Variants in SEMA3E observed in about 807,000 individuals in gnomAD.
SEMA3E encodes semaphorin 3E.
A neutral mutation model predicts 93.6 loss-of-function variants in SEMA3E; 49 were observed. That is an observed-to-expected ratio of 0.52 (90% CI 0.42 to 0.66). The LOEUF (loss-of-function observed/expected upper bound fraction) is 0.66, where lower values mean the gene tolerates loss of function less well. Ranked by LOEUF, SEMA3E falls within the 30% of genes least tolerant of loss-of-function variation. The pLI, the probability that SEMA3E is intolerant of heterozygous loss-of-function variation, is 0.00. For missense variants in SEMA3E, 906 were observed against 964.8 expected, an observed-to-expected ratio of 0.94 and a Z score of 0.81; for synonymous variants, 363 against 330.7, an observed-to-expected ratio of 1.10 and a Z score of -1.06.
At chr7:83,522,736 C>G (rs560222983) in intron 1 of SEMA3E, among the ~76,000 whole-genome samples, 9 of 152,192 alleles carry the variant, frequency 5.9e-5, no homozygotes, top group South Asian at 4.1e-4. Context: ...TTAAATGTTA[C>G]CATTTTTTAG....
chr7:83,450,334 C>T (rs1368153870), intron 4 of SEMA3E, among the ~76,000 whole-genome samples: 1 of 152,084 alleles, frequency 6.6e-6, no homozygotes, highest in Non-Finnish European at 1.5e-5. Flanking sequence ...CATAGCAGCA[C>T]AATTACAGCA....
intron 16 of SEMA3E, among the ~76,000 whole-genome samples, chr7:83,369,728 A>G (rs78270011): frequency 0.079 from 11,982 of 152,254 alleles, 591 homozygotes; most frequent in Middle Eastern, 0.14. Flanking sequence ...CATTTTTCTC[A>G]GAATATCCTT....
intron 12 of SEMA3E, 21 bp downstream of exon 12, chr7:83,396,617 T>C: frequency 6.9e-7 from 1 of 1,444,312 alleles, no homozygotes; most frequent in Non-Finnish European, 9.7e-7. Context: ...AAATTTGGTC[T>C]GTATTTTTTG....
rs761011466 is a variant in SEMA3E, at chr7:83,490,130, C to T, written c.260G>A (p.Ser87Asn). The change falls in exon 2 of 17, where the codon AGT becomes AAT. Residue 87 changes from serine (S) to asparagine (N), a missense_variant. By Grantham distance (46) the Ser-to-Asn change is conservative. Transcript: ENST00000643230. ...LVYSLSLERI[S>N]DGYKEIHWPS... Reference sequence around the variant, plus strand: ...TTTCTATACCTCTTTATAGCCGTCACTGATTCTCTCCAAGCTGAGGGAATA... The same window carrying T: ...TTTCTATACCTCTTTATAGCCGTCATTGATTCTCTCCAAGCTGAGGGAATA... 1 of 1,612,842 alleles carries T rather than the reference C, an allele frequency of 6.2e-7. No individual in the cohort carries two copies. The highest frequency in any genetic ancestry group is 1.1e-5 in the South Asian group (1 of 91,064).
At chr7:83,373,818 T>G (rs570362407) in intron 16 of SEMA3E, among the ~76,000 whole-genome samples, 5 of 151,088 alleles carry the variant, frequency 3.3e-5, no homozygotes, top group Non-Finnish European at 7.4e-5. Flanking sequence ...AAAGAAAAAA[T>G]GGAAAAAGCA....
chr7:83,646,437 T>C (rs1403422449), intron 1 of SEMA3E, among the ~76,000 whole-genome samples: 1 of 152,070 alleles, frequency 6.6e-6, no homozygotes, highest in Non-Finnish European at 1.5e-5. Flanking sequence ...TCAGGTAGCA[T>C]CTCCAGTGTG....
chr7:83,400,079 C>T lies in SEMA3E; in HGVS notation c.1315G>A (p.Asp439Asn). ...TGGCCATCCTCAGCTTCCACTCGAT[C>T]TACTGCTATTTGTTTCAGGTTATAT... The part of the protein sequence containing the change: ...GKYNLKQIAV[D>N]RVEAEDGQYD... The change falls in exon 11 of 17, where the codon GAT becomes AAT. Residue 439 changes from aspartate (D) to asparagine (N), a missense_variant. Asp to Asn is a conservative substitution (Grantham distance 23, BLOSUM62 1). Coordinates refer to ENST00000643230, the MANE Select transcript of SEMA3E (RefSeq NM_012431.3). 2 of 1,614,084 alleles carry T rather than the reference C, an allele frequency of 1.2e-6. No individual in the cohort carries two copies. Among genetic ancestry groups the T allele is most frequent in the Non-Finnish European group, 1.7e-6 (2 of 1,179,992 alleles).
intron 1 of SEMA3E, among the ~76,000 whole-genome samples, chr7:83,600,270 A>G (rs1404858339): frequency 6.6e-6 from 1 of 152,038 alleles, no homozygotes; most frequent in East Asian, 1.9e-4. Flanking sequence ...TGAATGAGTT[A>G]CACTAGAAAG....
At chr7:83,456,612 T>TTATG (rs1789485139) in intron 4 of SEMA3E, among the ~76,000 whole-genome samples, 4 of 7,452 alleles carry the variant, frequency 5.4e-4, no homozygotes, top group Non-Finnish European at 0.026. Context: ...ATTTATTTAT[T>TTATG]TATTTATTTA....
At chr7:83,587,535 T>C (rs1584348574) in intron 1 of SEMA3E, among the ~76,000 whole-genome samples, 1 of 152,264 alleles carries the variant, frequency 6.6e-6, no homozygotes, top group Middle Eastern at 3.4e-3. Flanking sequence ...AAATAAACCT[T>C]GCTTTGGCTT....
intron 1 of SEMA3E, among the ~76,000 whole-genome samples, chr7:83,624,814 A>G (rs1205146613): frequency 6.6e-6 from 1 of 152,060 alleles, no homozygotes; most frequent in Admixed American, 6.6e-5. Context: ...CTGTGTCCTG[A>G]ATGGTATTGC....
rs1207347240 is a variant in SEMA3E at position 83,517,545 on chromosome 7, T to A, written c.116-27271A>T. Among the ~76,000 whole-genome samples the A allele has an allele frequency of 2.0e-5, 3 of 152,236 alleles. No homozygotes were observed. In the East Asian group the frequency reaches 5.8e-4, roughly 29 times the overall value. On this transcript the variant is annotated intron_variant, in intron 1 of 16. Coordinates refer to ENST00000643230, the MANE Select transcript of SEMA3E (RefSeq NM_012431.3). ...ATGCATTAGCTACTAGATTCCATTGTTATAACTACACCCACTTCTGTAGAG... is the reference window on the plus strand; with the variant it reads ...ATGCATTAGCTACTAGATTCCATTGATATAACTACACCCACTTCTGTAGAG...
intron 1 of SEMA3E, among the ~76,000 whole-genome samples, chr7:83,641,056 T>G (rs553566007): frequency 9.9e-5 from 15 of 151,914 alleles, no homozygotes; most frequent in Non-Finnish European, 2.2e-4. Flanking sequence ...TGCCTGGAGG[T>G]CCCAGCTGTT....
At chr7:83,514,735 A>C (rs2115661704) in intron 1 of SEMA3E, among the ~76,000 whole-genome samples, 1 of 152,326 alleles carries the variant, frequency 6.6e-6, no homozygotes, top group African/African-American at 2.4e-5. Flanking sequence ...GAAAAAAAGC[A>C]AATGAAGTTA....
intron 1 of SEMA3E, among the ~76,000 whole-genome samples, chr7:83,523,609 G>T (rs184974690): frequency 6.6e-6 from 1 of 151,836 alleles, no homozygotes; most frequent in Non-Finnish European, 1.5e-5. Context: ...TGTCTGCTTT[G>T]GATTTCCTGA....
intron 1 of SEMA3E, among the ~76,000 whole-genome samples, chr7:83,613,389 G>A (rs1186334777): frequency 6.6e-6 from 1 of 152,028 alleles, no homozygotes; most frequent in Non-Finnish European, 1.5e-5. Context: ...GCCTAACAAT[G>A]TCATGTGTTT....
intron 1 of SEMA3E, among the ~76,000 whole-genome samples, chr7:83,598,306 G>A (rs920112968): frequency 1.3e-5 from 2 of 152,104 alleles, no homozygotes; most frequent in South Asian, 4.1e-4. Flanking sequence ...GATGTGAAAT[G>A]TTCATTATAT....
At chr7:83,454,296 T>TATATATATAA (rs1350195502) in intron 4 of SEMA3E, among the ~76,000 whole-genome samples, 30 of 130,636 alleles carry the variant, frequency 2.3e-4, no homozygotes, top group African/African-American at 7.7e-4. Flanking sequence ...TATATATATA[T>TATATATATAA]AATGTGTGTA....
chr7:83,545,165 C>T (rs868283551), intron 1 of SEMA3E, among the ~76,000 whole-genome samples: 2 of 152,064 alleles, frequency 1.3e-5, no homozygotes, highest in Non-Finnish European at 1.5e-5. Context: ...TGCATTTATA[C>T]CTCATTCAGT....
Sources: allele counts gnomAD v4.1 joint callset (sites outside exome capture counted in the v4.1 genomes callset), GRCh38; gene constraint gnomAD v4.1.1; transcripts MANE v1.5; gene names NCBI Gene and HGNC (gene_info 2026-07-23, HGNC 2026-07-21).